EXD3: variants seen among roughly 807,000 people sequenced by gnomAD.
EXD3 encodes exonuclease 3'-5' domain containing 3.
Under a neutral mutation model 98.0 loss-of-function variants are expected in EXD3, and 92 were observed. The ratio of observed to expected loss-of-function variants is 0.94; its 90% CI spans 0.79 to 1.12. The LOEUF (loss-of-function observed/expected upper bound fraction) is 1.12. Among genes scored for constraint, EXD3 ranks in the 50% most tolerant of loss-of-function variants. The pLI, the probability that EXD3 is intolerant of heterozygous loss-of-function variation, is 0.00. For synonymous variants in EXD3, 569 were observed against 526.0 expected (o/e 1.08, Z -1.12); for missense variants, 1,222 against 1,191.6 (o/e 1.03, Z -0.38).
At chr9:137,353,789 A>G in intron 10 of EXD3, 1 of 985,822 alleles carries the variant, frequency 1.0e-6, no homozygotes, top group Non-Finnish European at 1.2e-6. Flanking sequence ...CAGCAGGCTG[A>G]GCTCCTGCAC....
chr9:137,422,128 A>C (rs947987261), intron 1 of EXD3, among the ~76,000 whole-genome samples: 55 of 151,706 alleles, frequency 3.6e-4, no homozygotes, highest in East Asian at 9.7e-4. Flanking sequence ...AAAAAAAAAA[A>C]AAAAAACTCC....
At chr9:137,362,342 G>C (rs996733594) in intron 7 of EXD3, among the ~76,000 whole-genome samples, 14 of 152,126 alleles carry the variant, frequency 9.2e-5, no homozygotes, top group African/African-American at 2.7e-4. Flanking sequence ...AAAAATGTAA[G>C]GTTGGTTTAA....
At chr9:137,314,432 T>C (rs1459535780) in intron 19 of EXD3, among the ~76,000 whole-genome samples, 1 of 152,140 alleles carries the variant, frequency 6.6e-6, no homozygotes, top group Non-Finnish European at 1.5e-5. Context: ...GGGAGGTGTG[T>C]GCAGCTGGGG....
chr9:137,349,820 GTC>G lies in EXD3; in HGVS notation c.1495-291_1495-290del, dbSNP rs1834162908. Among the ~76,000 whole-genome samples, 1 of 152,180 alleles carries G rather than the reference GTC, an allele frequency of 6.6e-6. No individual in the cohort carries two copies. On this transcript the variant is annotated intron_variant, in intron 14 of 21. Coordinates refer to ENST00000340951, the MANE Select transcript of EXD3 (RefSeq NM_017820.5). The surrounding 1 kb of genome is among the most constrained non-coding windows in gnomAD (Gnocchi z 7.4). ...CAGCCTCAGAGAGCCCGGGCCCTGA[GTC>G]TGTGTGGCCAGCTCTCTGTCTCTGT...
chr9:137,408,546 C>CAAAAAAAAAAAA (rs570243090), intron 1 of EXD3, among the ~76,000 whole-genome samples: 13 of 44,456 alleles, frequency 2.9e-4, no homozygotes, highest in Admixed American at 6.5e-4. Flanking sequence ...GACTCTGCCT[C>CAAAAAAAAAAAA]AAAAAAAAAA....
In EXD3 at chr9:137,320,973, C is replaced by A. The variant is rs532760594; in HGVS notation, c.2184+2752G>T. On this transcript the variant is annotated intron_variant, in intron 19 of 21. Coordinates refer to ENST00000340951, the MANE Select transcript of EXD3 (RefSeq NM_017820.5). Reference sequence around the variant, plus strand: ...CTGCCGCCCCTGGAGCCCAAGGCTGCAGGAGAGGCCCCTGGAGCACACTTC... The same window carrying A: ...CTGCCGCCCCTGGAGCCCAAGGCTGAAGGAGAGGCCCCTGGAGCACACTTC... Among the ~76,000 whole-genome samples, 3 of 152,318 alleles carry A rather than the reference C, an allele frequency of 2.0e-5. No homozygotes were observed. In the South Asian group the frequency reaches 6.2e-4, roughly 32 times the overall value.
intron 3 of EXD3, among the ~76,000 whole-genome samples, chr9:137,378,369 C>T (rs1051228142): frequency 1.3e-5 from 2 of 151,996 alleles, no homozygotes; most frequent in Non-Finnish European, 1.5e-5. Flanking sequence ...CCACCACGCT[C>T]GGCTAATTGT....
chr9:137,322,207 A>G lies in EXD3; in HGVS notation c.2184+1518T>C, dbSNP rs987290575. On this transcript the variant is annotated intron_variant, in intron 19 of 21. Coordinates refer to ENST00000340951, the MANE Select transcript of EXD3 (RefSeq NM_017820.5). ...CACCCAGCCTGAAGGGACTTCCACA[A>G]TTTCCCTCGATTCCTTCTAGAAGCC... 3.3e-5 allele frequency among the ~76,000 whole-genome samples: 5 copies of G among 152,238 alleles called. No individual in the cohort carries two copies. In the South Asian group the frequency reaches 6.2e-4, roughly 19 times the overall value.
chr9:137,332,025 T>G (rs1833091061), intron 17 of EXD3, among the ~76,000 whole-genome samples: 2 of 152,092 alleles, frequency 1.3e-5, no homozygotes, highest in Non-Finnish European at 2.9e-5. Flanking sequence ...AGGAATGTAC[T>G]TAACCAAGGA....
intron 17 of EXD3, among the ~76,000 whole-genome samples, chr9:137,325,518 T>C (rs769962243): frequency 6.6e-6 from 1 of 152,092 alleles, no homozygotes; most frequent in Non-Finnish European, 1.5e-5. Flanking sequence ...CTGCAAGCTC[T>C]GCCTCCCGAG....
intron 7 of EXD3, among the ~76,000 whole-genome samples, chr9:137,364,696 C>A (rs752119521): frequency 5.3e-5 from 8 of 151,662 alleles, no homozygotes; most frequent in Admixed American, 3.3e-4. Context: ...TCCCAGTTTC[C>A]GTGTATATTT....
At position 137,373,612 on chromosome 9, in the gene EXD3, A is replaced by C. The variant is rs1218199417; in HGVS notation, c.121-13T>G. The C allele has an allele frequency of 1.3e-6, 2 of 1,590,218 alleles. No individual in the cohort carries two copies. Among genetic ancestry groups the C allele is most frequent in the Non-Finnish European group, 1.7e-6 (2 of 1,168,400 alleles). ...CTTCCTCCCGGAGCTGTGGAGACACAAAACCACACTGGCACTTTGTCTTGC... is the reference window on the plus strand; with the variant it reads ...CTTCCTCCCGGAGCTGTGGAGACACCAAACCACACTGGCACTTTGTCTTGC... On this transcript the variant is annotated splice_polypyrimidine_tract_variant and intron_variant, in intron 3 of 21. Coordinates refer to ENST00000340951, the MANE Select transcript of EXD3 (RefSeq NM_017820.5).
chr9:137,408,546 C>CAAAA (rs570243090), intron 1 of EXD3, among the ~76,000 whole-genome samples: 3,168 of 44,418 alleles, frequency 0.071, 299 homozygotes, highest in Middle Eastern at 0.11. Context: ...GACTCTGCCT[C>CAAAA]AAAAAAAAAA....
chr9:137,395,554 T>C lies in EXD3; in HGVS notation c.-47-150A>G, dbSNP rs1837174999. On this transcript the variant is annotated intron_variant, in intron 1 of 21. Coordinates refer to ENST00000340951, the MANE Select transcript of EXD3 (RefSeq NM_017820.5). The surrounding 1 kb of genome is among the most constrained non-coding windows in gnomAD (Gnocchi z 6.5). ...CCAGTCGCTGAGCATAGCGGGCAGC[T>C]CCACACTCCTCTCCCAGCTGGGGTG... 1.5e-6 allele frequency: 1 copy of C among 673,370 alleles called. No homozygotes were observed. The highest frequency in any genetic ancestry group is 2.5e-6 in the Non-Finnish European group (1 of 400,698). The allele number at this position is 673,370 out of a possible 1,614,324, so 41.7% of individuals were successfully genotyped here.
At chr9:137,417,532 G>A (rs1256087699) in intron 1 of EXD3, among the ~76,000 whole-genome samples, 2 of 152,130 alleles carry the variant, frequency 1.3e-5, no homozygotes, top group East Asian at 3.9e-4. Flanking sequence ...CAGCGACCAC[G>A]GGCTCTGGCA....
chr9:137,359,452 C>T lies in EXD3; in HGVS notation c.657-3084G>A, dbSNP rs1391062706. ...CCTTGGGAGGCTGAGGCAGGAGGAT[C>T]GCTCGAGCCGAGGAGGTTGAGTCTG... On this transcript the variant is annotated intron_variant, in intron 7 of 21. Transcript: ENST00000340951. Among the ~76,000 whole-genome samples, 22 of 81,856 alleles carry T rather than the reference C, an allele frequency of 2.7e-4. 9 individuals carry two copies. In the South Asian group the frequency reaches 8.1e-3, roughly 30 times the overall value. The allele number at this position is 81,856 out of a possible 152,430, so 53.7% of individuals were successfully genotyped here.
intron 2 of EXD3, chr9:137,391,786 C>T (rs1483930287): frequency 6.6e-6 from 1 of 152,280 alleles, no homozygotes; most frequent in East Asian, 1.9e-4. Flanking sequence ...GACTTTCTGA[C>T]CTCAACTGCG....
chr9:137,417,919 G>A (rs921130120), intron 1 of EXD3, among the ~76,000 whole-genome samples: 1 of 152,180 alleles, frequency 6.6e-6, no homozygotes, highest in East Asian at 1.9e-4. Context: ...GGGCCGGAGG[G>A]GGTGAGCTGC....
At chr9:137,315,210 C>T (rs1478596751) in intron 19 of EXD3, among the ~76,000 whole-genome samples, 1 of 152,230 alleles carries the variant, frequency 6.6e-6, no homozygotes, top group Non-Finnish European at 1.5e-5. Flanking sequence ...CACAGGTCAC[C>T]CCAGACCAAG....
Sources: gnomAD v4.1 joint callset for allele counts (sites outside exome capture counted in the v4.1 genomes callset) on GRCh38, gnomAD v4.1.1 for gene constraint, Gnocchi (gnomAD v3.1) non-coding constraint, MANE v1.5 for transcripts, NCBI Gene and HGNC (gene_info 2026-07-23, HGNC 2026-07-21) for gene names.